The following ROBO1 variants were observed in gnomAD, a reference collection of about 807,000 sequenced individuals.
ROBO1 encodes the protein roundabout homolog 1.
Under a neutral mutation model 195.9 loss-of-function variants are expected in ROBO1, and 149 were observed. The observed-to-expected ratio is 0.76, with a 90% CI of 0.67 to 0.87. The LOEUF is 0.87. Ranked by LOEUF, ROBO1 falls within the 40% of genes least tolerant of loss-of-function variation. The probability of loss-of-function intolerance (pLI) is 0.00; values close to 1 mark genes in which losing one functional copy is unlikely to be tolerated. For synonymous variants in ROBO1, 816 were observed against 733.2 expected, an observed-to-expected ratio of 1.11 and a Z score of -1.82; for missense variants, 1,933 against 2,068.3, an observed-to-expected ratio of 0.93 and a Z score of 1.27.
At chr3:78,810,496 T>A (rs1272796652) in intron 4 of ROBO1, among the ~76,000 whole-genome samples, 1 of 152,136 alleles carries the variant, frequency 6.6e-6, no homozygotes, top group Non-Finnish European at 1.5e-5. Context: ...CCAGCCAAAT[T>A]GCTGAAGCAA....
At chr3:79,654,461 T>C (rs1946101298) in intron 1 of ROBO1, among the ~76,000 whole-genome samples, 1 of 151,948 alleles carries the variant, frequency 6.6e-6, no homozygotes, top group Non-Finnish European at 1.5e-5. Context: ...AATAAGTGAC[T>C]TATTCAATAT....
chr3:79,006,319 A>C (rs956786408), intron 3 of ROBO1, among the ~76,000 whole-genome samples: 2 of 152,156 alleles, frequency 1.3e-5, no homozygotes, highest in Non-Finnish European at 1.5e-5. Context: ...TTAACTAGTA[A>C]CCATACAAAG....
rs1941477811 is a variant in ROBO1 at position 79,527,432 on chromosome 3, C to A, written c.88+62392G>T. On this transcript the variant is annotated intron_variant, in intron 2 of 30. Coordinates refer to ENST00000464233, the MANE Select transcript of ROBO1 (RefSeq NM_002941.4). Reference sequence around the variant, plus strand: ...TTCCTTTAAAAATCCTGCACATGTACCACCGAATCTAAAATAAAAGTTAAA... The same window carrying A: ...TTCCTTTAAAAATCCTGCACATGTAACACCGAATCTAAAATAAAAGTTAAA... Among the ~76,000 whole-genome samples, 3 of 152,038 alleles carry A rather than the reference C, an allele frequency of 2.0e-5. No homozygotes were observed. In the South Asian group the frequency reaches 6.2e-4, roughly 32 times the overall value.
At position 78,629,836 on chromosome 3, in the gene ROBO1, C is replaced by T. The variant is rs191742782; in HGVS notation, c.3626+1325G>A. Among the ~76,000 whole-genome samples the T allele has an allele frequency of 1.2e-3, 190 of 152,232 alleles. 2 individuals carry two copies. Among genetic ancestry groups the T allele is most frequent in the African/African-American group, 4.4e-3 (184 of 41,546 alleles). On this transcript the variant is annotated intron_variant, in intron 25 of 30. Coordinates refer to ENST00000464233, the MANE Select transcript of ROBO1 (RefSeq NM_002941.4). ...CTCACAAAGAGGCCAAAAATTTGAG[C>T]GCCTGATGTGCATGTTCCCAGCTGA...
chr3:78,683,079 T>A (rs565869368), intron 10 of ROBO1, among the ~76,000 whole-genome samples: 83 of 151,900 alleles, frequency 5.5e-4, no homozygotes, highest in Admixed American at 8.5e-4. Context: ...CAGGGGGAAA[T>A]AATTTAATAT....
chr3:79,103,754 A>G (rs146593728), intron 3 of ROBO1, among the ~76,000 whole-genome samples: 1 of 151,900 alleles, frequency 6.6e-6, no homozygotes, highest in Non-Finnish European at 1.5e-5. Context: ...ATATATACAT[A>G]TATATGCTAA....
At chr3:79,578,950 G>A (rs758367263) in intron 2 of ROBO1, among the ~76,000 whole-genome samples, 1 of 152,196 alleles carries the variant, frequency 6.6e-6, no homozygotes, top group Middle Eastern at 3.4e-3. Flanking sequence ...ACATTCGTAC[G>A]CTTATGTTTA....
intron 1 of ROBO1, among the ~76,000 whole-genome samples, chr3:79,608,724 G>C (rs1353496167): frequency 6.6e-6 from 1 of 151,772 alleles, no homozygotes; most frequent in Non-Finnish European, 1.5e-5. Context: ...TTGAACAAAG[G>C]AGCAATTTCT....
At chr3:79,285,278 T>C (rs2109013268) in intron 2 of ROBO1, among the ~76,000 whole-genome samples, 1 of 152,272 alleles carries the variant, frequency 6.6e-6, no homozygotes, top group East Asian at 1.9e-4. Flanking sequence ...ATAGCCCCCA[T>C]GGAAGAATGT....
At chr3:78,733,698 G>C (rs1180425699) in intron 5 of ROBO1, among the ~76,000 whole-genome samples, 5 of 152,074 alleles carry the variant, frequency 3.3e-5, no homozygotes, top group Admixed American at 3.3e-4. Flanking sequence ...ACCCACAAAA[G>C]ATTGTGCCTT....
At chr3:78,744,757 TCCCA>T (rs1273740392) in intron 5 of ROBO1, among the ~76,000 whole-genome samples, 1 of 152,192 alleles carries the variant, frequency 6.6e-6, no homozygotes, top group Admixed American at 6.5e-5. Context: ...AAAATTTCAA[TCCCA>T]CCTGAACCCT....
chr3:79,467,276 T>C (rs985771926), intron 2 of ROBO1, among the ~76,000 whole-genome samples: 3 of 151,916 alleles, frequency 2.0e-5, no homozygotes, highest in Non-Finnish European at 4.4e-5. Flanking sequence ...ACCAGTGATA[T>C]AGACAGAAGA....
In ROBO1 at chr3:79,584,591, C is replaced by T. The variant is rs1466542116; in HGVS notation, c.88+5233G>A. On this transcript the variant is annotated intron_variant, in intron 2 of 30. Transcript: ENST00000464233. ...TCCTAAGTATGTAACAAGAGACCTC[C>T]ATGATTTGTAGGTGGGTGAGTGTGT... 2.7e-5 allele frequency among the ~76,000 whole-genome samples: 4 copies of T among 148,504 alleles called. No individual in the cohort carries two copies. In the East Asian group the frequency reaches 8.0e-4, roughly 30 times the overall value.
At chr3:78,836,579 T>C (rs1283494408) in intron 4 of ROBO1, among the ~76,000 whole-genome samples, 1 of 151,220 alleles carries the variant, frequency 6.6e-6, no homozygotes, top group Non-Finnish European at 1.5e-5. Flanking sequence ...GAAGGTATAA[T>C]GCAGACAATT....
intron 2 of ROBO1, among the ~76,000 whole-genome samples, chr3:79,386,575 T>C (rs1372316673): frequency 6.6e-6 from 1 of 152,124 alleles, no homozygotes; most frequent in Non-Finnish European, 1.5e-5. Flanking sequence ...GTTCTCACAT[T>C]GCAGTTGACA....
intron 2 of ROBO1, among the ~76,000 whole-genome samples, chr3:79,268,631 T>C (rs1025594702): frequency 7.3e-5 from 11 of 151,686 alleles, no homozygotes; most frequent in African/African-American, 2.7e-4. Flanking sequence ...CAATATATCC[T>C]GGTAAGAGTT....
chr3:78,955,200 A>G (rs2040984912), intron 3 of ROBO1, among the ~76,000 whole-genome samples: 1 of 147,892 alleles, frequency 6.8e-6, no homozygotes, highest in Admixed American at 6.8e-5. Flanking sequence ...ATGGGGTTAT[A>G]TAGGTAAACT....
At chr3:79,454,716 CT>C (rs543500628) in intron 2 of ROBO1, among the ~76,000 whole-genome samples, 1 of 151,902 alleles carries the variant, frequency 6.6e-6, no homozygotes, top group Non-Finnish European at 1.5e-5. Context: ...ATTCAATTCT[CT>C]TTTTTTTGTT....
At chr3:78,943,995 ATTAT>A (rs2040281469) in intron 3 of ROBO1, among the ~76,000 whole-genome samples, 2 of 152,250 alleles carry the variant, frequency 1.3e-5, no homozygotes, top group South Asian at 4.1e-4. Flanking sequence ...ATAATGAATT[ATTAT>A]TTGTTATAAA....
Sources: allele counts gnomAD v4.1 joint callset (sites outside exome capture counted in the v4.1 genomes callset), GRCh38; gene constraint gnomAD v4.1.1; transcripts MANE v1.5; gene names NCBI Gene and HGNC (gene_info 2026-07-23, HGNC 2026-07-21).